ZEB1: variants seen among roughly 807,000 people sequenced by gnomAD.
The protein encoded by ZEB1 is zinc finger E-box binding homeobox 1, also known as zinc finger E-box-binding homeobox 1.
ZEB1 carries 21 observed loss-of-function variants against 84.9 expected under a neutral mutation model. The observed-to-expected ratio is 0.25, with a 90% CI of 0.18 to 0.36. ZEB1 has a LOEUF of 0.36. Among genes scored for constraint, ZEB1 ranks in the 10% least tolerant of loss-of-function variants. ZEB1 has a pLI of 1.00. For missense variants in ZEB1, 1,104 were observed against 1,330.2 expected, an observed-to-expected ratio of 0.83 and a Z score of 2.65; for synonymous variants, 420 against 471.1, an observed-to-expected ratio of 0.89 and a Z score of 1.41.
At chr10:31,485,196 A>T (rs998025673) in intron 2 of ZEB1, among the ~76,000 whole-genome samples, 4 of 151,970 alleles carry the variant, frequency 2.6e-5, no homozygotes, top group African/African-American at 9.7e-5. Context: ...TGTAATAAAG[A>T]TAATTTTAAG....
intron 1 of ZEB1, among the ~76,000 whole-genome samples, chr10:31,337,231 C>T (rs148157203): frequency 3.0e-3 from 456 of 151,820 alleles, no homozygotes; most frequent in Non-Finnish European, 5.7e-3. Context: ...AAAGAACACG[C>T]AAAATTAAGT....
rs1386964660 is a variant in ZEB1 at position 31,527,927 on chromosome 10, T to C, written c.*663T>C. The stretch of plus-strand genomic sequence containing the variant: ...TTGTTAGCCTTAAGAAAGCAGCTGA[T>C]AGAAGAACTGAAGTTTCTTACTCAC... On this transcript the variant is annotated 3_prime_UTR_variant, in exon 9 of 9. Transcript: ENST00000424869. The C allele has an allele frequency of 6.6e-6, 1 of 152,406 alleles. No homozygotes were observed. The highest frequency in any genetic ancestry group is 1.5e-5 in the Non-Finnish European group (1 of 68,094). 9.4% of individuals were successfully genotyped at this position (152,406 alleles called of 1,614,324 possible). A position where few individuals can be genotyped will look rare whatever the true frequency, so the allele number is the denominator to read the frequency against.
intron 1 of ZEB1, among the ~76,000 whole-genome samples, chr10:31,371,495 G>A (rs1024416869): frequency 4.6e-5 from 7 of 152,060 alleles, no homozygotes; most frequent in African/African-American, 7.2e-5. Context: ...GAAAAACGTC[G>A]TTATGTATTT....
chr10:31,447,818 C>T (rs9672045), intron 1 of ZEB1, among the ~76,000 whole-genome samples: 182 of 152,224 alleles, frequency 1.2e-3, no homozygotes, highest in East Asian at 4.3e-3. Flanking sequence ...GAGGGTAACC[C>T]GACCTTTCTC....
At chr10:31,403,406 T>G (rs2052425023) in intron 1 of ZEB1, among the ~76,000 whole-genome samples, 1 of 152,018 alleles carries the variant, frequency 6.6e-6, no homozygotes. Flanking sequence ...TCTCCTCTTG[T>G]AATCAGAATC....
At chr10:31,444,579 T>A (rs1449095937) in intron 1 of ZEB1, among the ~76,000 whole-genome samples, 3 of 151,572 alleles carry the variant, frequency 2.0e-5, no homozygotes, top group Non-Finnish European at 4.4e-5. Context: ...CCATCTTGAA[T>A]TGATTTTTGT....
At chr10:31,393,003 T>G (rs1371901970) in intron 1 of ZEB1, among the ~76,000 whole-genome samples, 1 of 151,916 alleles carries the variant, frequency 6.6e-6, no homozygotes, top group Non-Finnish European at 1.5e-5. Context: ...CTGAGCTAAT[T>G]TTTCTGTGTT....
intron 1 of ZEB1, among the ~76,000 whole-genome samples, chr10:31,456,658 C>T (rs1426649420): frequency 6.6e-6 from 1 of 152,084 alleles, no homozygotes; most frequent in African/African-American, 2.4e-5. Context: ...ACCTGGCTTT[C>T]ACTCTTCAAC....
chr10:31,518,751 C>T (rs1473988068), intron 6 of ZEB1, among the ~76,000 whole-genome samples: 1 of 151,982 alleles, frequency 6.6e-6, no homozygotes, highest in Non-Finnish European at 1.5e-5. Flanking sequence ...GTCCTAACTC[C>T]CCTTTTATTA....
At chr10:31,501,683 ATACT>A (rs1283923274) in intron 3 of ZEB1, among the ~76,000 whole-genome samples, 1 of 152,168 alleles carries the variant, frequency 6.6e-6, no homozygotes, top group East Asian at 1.9e-4. Context: ...TCTTAAATAA[ATACT>A]TATATATACT....
At chr10:31,329,012 T>C (rs78120510) in intron 1 of ZEB1, among the ~76,000 whole-genome samples, 3 of 151,940 alleles carry the variant, frequency 2.0e-5, no homozygotes, top group African/African-American at 4.8e-5. Flanking sequence ...TGTGTGTGTG[T>C]GCGTGTGAAC....
chr10:31,523,964 T>G lies in ZEB1; in HGVS notation c.2636T>G (p.Val879Gly), dbSNP rs1370510238. The G allele has an allele frequency of 6.2e-7, 1 of 1,613,748 alleles. No individual in the cohort carries two copies. The highest frequency in any genetic ancestry group is 1.3e-5 in the African/African-American group (1 of 74,894). The change falls in exon 8 of 9, where the codon GTA becomes GGA. Residue 879 changes from valine to glycine, a missense_variant. By Grantham distance (109) the Val-to-Gly change is moderately radical (BLOSUM62 -3). This residue lies in a region of ZEB1 where 531 missense variants were observed against 575.2 expected (regional missense o/e 0.92). Transcript: ENST00000424869. ...AGACAAGATACTAGCTCAGAAGGAGTATCAAATGTAGAGGATCAGAATGAC... is the reference window on the plus strand; with the variant it reads ...AGACAAGATACTAGCTCAGAAGGAGGATCAAATGTAGAGGATCAGAATGAC... Reference protein sequence around the residue: ...DERQDTSSEGVSNVEDQNDSD... With the variant: ...DERQDTSSEGGSNVEDQNDSD...
intron 3 of ZEB1, among the ~76,000 whole-genome samples, chr10:31,499,727 T>C (rs1279817197): frequency 6.6e-6 from 1 of 151,770 alleles, no homozygotes; most frequent in Non-Finnish European, 1.5e-5. Flanking sequence ...ATCGCGCCAT[T>C]GCACTCCAAC....
At chr10:31,437,290 A>G (rs1346625112) in intron 1 of ZEB1, among the ~76,000 whole-genome samples, 2 of 152,174 alleles carry the variant, frequency 1.3e-5, no homozygotes, top group Non-Finnish European at 2.9e-5. Flanking sequence ...AAGATTACGT[A>G]TATCTCAGAG....
intron 1 of ZEB1, chr10:31,319,656 G>T (rs2033199676): frequency 3.7e-6 from 1 of 272,922 alleles, no homozygotes; most frequent in South Asian, 6.6e-5. Flanking sequence ...TGGAGCGGCT[G>T]TTGCTTCTTT....
intron 1 of ZEB1, among the ~76,000 whole-genome samples, chr10:31,444,034 G>A (rs1164700035): frequency 6.6e-6 from 1 of 150,412 alleles, no homozygotes; most frequent in Admixed American, 6.6e-5. Context: ...CACCAACAGT[G>A]TAAAAGTGTT....
intron 1 of ZEB1, among the ~76,000 whole-genome samples, chr10:31,405,802 G>A (rs991972743): frequency 1.3e-5 from 2 of 151,618 alleles, no homozygotes; most frequent in South Asian, 2.1e-4. Context: ...CCATCAACCC[G>A]TCATCTACAT....
At chr10:31,515,758 T>C (rs184189592) in intron 6 of ZEB1, among the ~76,000 whole-genome samples, 196 of 152,118 alleles carry the variant, frequency 1.3e-3, no homozygotes, top group Non-Finnish European at 2.3e-3. Context: ...TTTCACACAT[T>C]GATTATTGTT....
chr10:31,468,875 A>C (rs2062788214), intron 2 of ZEB1, among the ~76,000 whole-genome samples: 1 of 152,176 alleles, frequency 6.6e-6, no homozygotes. Context: ...AAGAAATAGA[A>C]TGTTGTGACA....
Sources: allele counts gnomAD v4.1 joint callset (sites outside exome capture counted in the v4.1 genomes callset), GRCh38; gene constraint gnomAD v4.1.1; regional missense constraint gnomAD v4.1.1; transcripts MANE v1.5; gene names NCBI Gene and HGNC (gene_info 2026-07-23, HGNC 2026-07-21).